FNIP2: variants seen among roughly 807,000 people sequenced by gnomAD.
FNIP2 encodes the protein folliculin interacting protein 2.
FNIP2 carries 32 observed loss-of-function variants against 108.7 expected under a neutral mutation model. That is an observed-to-expected ratio of 0.29 (90% CI 0.22 to 0.40). The LOEUF is 0.40. Among genes scored for constraint, FNIP2 ranks in the 10% least tolerant of loss-of-function variants. The pLI is 1.00. For synonymous variants in FNIP2, 480 were observed against 496.7 expected, an observed-to-expected ratio of 0.97 and a Z score of 0.45; for missense variants, 1,202 against 1,381.6, an observed-to-expected ratio of 0.87 and a Z score of 2.06.
At chr4:158,889,863 A>G in intron 14 of FNIP2, 1 of 984,414 alleles carries the variant, frequency 1.0e-6, no homozygotes, top group Non-Finnish European at 1.2e-6. Flanking sequence ...CATCATCTTG[A>G]TATAAATTTA....
rs754549296 is a variant in FNIP2, at chr4:158,870,352, C to T, written c.2832C>T (p.Gly944=). The T allele has an allele frequency of 5.3e-5, 85 of 1,613,864 alleles. No homozygotes were observed. The highest frequency in any genetic ancestry group is 4.9e-5 in the Non-Finnish European group (58 of 1,179,856). Residue 944 remains glycine, a synonymous_variant, in exon 14 of 17, where the codon GGC becomes GGT. Coordinates refer to ENST00000264433, the MANE Select transcript of FNIP2 (RefSeq NM_020840.3). ...GCACCCAGAATGTAAGGAACTTTGG[C>T]CGCTCACTTCTGGCGGGCTACTGCC... ...SISTQNVRNF[G]RSLLAGYCPT...
intron 2 of FNIP2, among the ~76,000 whole-genome samples, chr4:158,826,531 T>C (rs1778166167): frequency 6.6e-6 from 1 of 152,240 alleles, no homozygotes; most frequent in African/African-American, 2.4e-5. Context: ...TGCATTGTTA[T>C]CTTCAAAAAG....
chr4:158,769,272 G>T lies in FNIP2; in HGVS notation c.60G>T (p.Ala20=). 6.5e-7 allele frequency: 1 copy of T among 1,543,478 alleles called. No homozygotes were observed. Residue 20 remains alanine (A), a synonymous_variant, in exon 1 of 17, where the codon GCG becomes GCT. Coordinates refer to ENST00000264433, the MANE Select transcript of FNIP2 (RefSeq NM_020840.3). ...FNKRGSSGSS[A]AASAQGRAPK... is the part of the protein sequence containing the mutation. ...AAAGGGGCAGCAGCGGCAGCTCCGCGGCGGCGTCTGCCCAGGGCAGGGCTC... is the reference window on the plus strand; with the variant it reads ...AAAGGGGCAGCAGCGGCAGCTCCGCTGCGGCGTCTGCCCAGGGCAGGGCTC...
At chr4:158,869,645 G>A (rs571127013) in intron 13 of FNIP2, among the ~76,000 whole-genome samples, 4 of 152,204 alleles carry the variant, frequency 2.6e-5, no homozygotes, top group Admixed American at 6.5e-5. Flanking sequence ...GAGCTCACTG[G>A]GACAGGTGGC....
Position 158,868,902 on chromosome 4 carries a change from G to T in FNIP2, c.2266G>T (p.Asp756Tyr). Residue 756 changes from aspartate to tyrosine, a missense_variant, in exon 13 of 17, where the codon GAT becomes TAT. Coordinates refer to ENST00000264433, the MANE Select transcript of FNIP2 (RefSeq NM_020840.3). The surrounding 1 kb of genome is among the most constrained non-coding windows in gnomAD (Gnocchi z 4.6). The part of the protein sequence containing the change: ...GPSLEASEAA[D>Y]VAQDPQVSRS... ...CTCCTTGGAGGCCAGTGAGGCTGCT[G>T]ATGTGGCTCAGGACCCGCAGGTTTC... is the stretch of plus-strand genomic sequence containing the variant. The T allele has an allele frequency of 6.2e-7, 1 of 1,614,006 alleles. No individual in the cohort carries two copies. The highest frequency in any genetic ancestry group is 8.5e-7 in the Non-Finnish European group (1 of 1,179,890).
At chr4:158,860,952 C>G (rs1780256280) in intron 10 of FNIP2, among the ~76,000 whole-genome samples, 1 of 151,950 alleles carries the variant, frequency 6.6e-6, no homozygotes, top group South Asian at 2.1e-4. Context: ...CCACGCCCGG[C>G]TGAGAATCTG....
In FNIP2 at chr4:158,817,389, G is replaced by A. The variant is rs1413652336; in HGVS notation, c.108-8527G>A. Among the ~76,000 whole-genome samples, 3 of 152,168 alleles carry A rather than the reference G, an allele frequency of 2.0e-5. No individual in the cohort carries two copies. In the South Asian group the frequency reaches 6.2e-4, roughly 32 times the overall value. ...GGGATACCATGTAGTAATAATGTAG[G>A]TTAATTCATTAAGATTGCTTTCCTT... On this transcript the variant is annotated intron_variant, in intron 1 of 16. Coordinates refer to ENST00000264433, the MANE Select transcript of FNIP2 (RefSeq NM_020840.3).
At chr4:158,774,699 T>C (rs980169050) in intron 1 of FNIP2, among the ~76,000 whole-genome samples, 4 of 152,178 alleles carry the variant, frequency 2.6e-5, no homozygotes, top group Admixed American at 2.6e-4. Flanking sequence ...CTACTTCACC[T>C]GAGCTTCAGA....
chr4:158,900,388 A>G (rs780561039), intron 16 of FNIP2, among the ~76,000 whole-genome samples: 3 of 152,146 alleles, frequency 2.0e-5, no homozygotes, highest in Non-Finnish European at 4.4e-5. Flanking sequence ...TCAAGTCCTG[A>G]ATACCCTGTT....
intron 1 of FNIP2, among the ~76,000 whole-genome samples, chr4:158,812,296 G>C (rs1292370810): frequency 6.6e-6 from 1 of 152,162 alleles, no homozygotes; most frequent in African/African-American, 2.4e-5. Context: ...TGTGACAGTT[G>C]GGTACATTCT....
chr4:158,854,897 G>T (rs962316061), intron 8 of FNIP2, among the ~76,000 whole-genome samples: 4 of 152,168 alleles, frequency 2.6e-5, no homozygotes, highest in African/African-American at 7.2e-5. Flanking sequence ...AGGCAAGGTA[G>T]GTCAGAGAAA....
intron 7 of FNIP2, among the ~76,000 whole-genome samples, chr4:158,844,554 T>C (rs1051139175): frequency 1.3e-5 from 2 of 152,226 alleles, no homozygotes; most frequent in East Asian, 3.8e-4. Context: ...CTTATTTTTA[T>C]AGTAGTTACC....
chr4:158,785,176 C>T (rs955049832), intron 1 of FNIP2, among the ~76,000 whole-genome samples: 6 of 149,854 alleles, frequency 4.0e-5, no homozygotes, highest in Admixed American at 2.0e-4. Flanking sequence ...ACCTCACCTC[C>T]TGGGTTCAAG....
chr4:158,815,630 C>G lies in FNIP2; in HGVS notation c.108-10286C>G, dbSNP rs556267793. Among the ~76,000 whole-genome samples the G allele has an allele frequency of 2.6e-5, 4 of 152,228 alleles. No homozygotes were observed. In the East Asian group the frequency reaches 7.7e-4, roughly 29 times the overall value. On this transcript the variant is annotated intron_variant, in intron 1 of 16. Transcript: ENST00000264433. ...CCGCCAGCCTCGGCCTCCCAAAGTGCTGGGATTAGAGGTGTGAGCCACCGC... is the reference window on the plus strand; with the variant it reads ...CCGCCAGCCTCGGCCTCCCAAAGTGGTGGGATTAGAGGTGTGAGCCACCGC...
intron 14 of FNIP2, among the ~76,000 whole-genome samples, chr4:158,885,901 C>T (rs752422769): frequency 6.6e-6 from 1 of 152,148 alleles, no homozygotes; most frequent in Admixed American, 6.5e-5. Context: ...TTCTCTAAAC[C>T]TTGTAGACAA....
intron 1 of FNIP2, among the ~76,000 whole-genome samples, chr4:158,785,673 A>G (rs971178745): frequency 2.0e-5 from 3 of 147,892 alleles, no homozygotes; most frequent in Non-Finnish European, 3.0e-5. Flanking sequence ...TTTTCTTTCC[A>G]GTTACAGGGT....
rs1776278361 is a variant in FNIP2, at chr4:158,788,051, C to T, written c.107+18732C>T. On this transcript the variant is annotated intron_variant, in intron 1 of 16. Transcript: ENST00000264433. Reference sequence around the variant, plus strand: ...CAGGTTTCGAACCCTGACACTATCACTTAATAGCTGTATGGTCTCGAACAA... The same window carrying T: ...CAGGTTTCGAACCCTGACACTATCATTTAATAGCTGTATGGTCTCGAACAA... Among the ~76,000 whole-genome samples, 2 of 152,198 alleles carry T rather than the reference C, an allele frequency of 1.3e-5. 1 individual carries two copies.
At chr4:158,815,155 A>C (rs1777490468) in intron 1 of FNIP2, among the ~76,000 whole-genome samples, 1 of 152,210 alleles carries the variant, frequency 6.6e-6, no homozygotes, top group Admixed American at 6.5e-5. Context: ...TCCATTTTGC[A>C]GATGAGGCTG....
intron 7 of FNIP2, among the ~76,000 whole-genome samples, chr4:158,838,247 T>C (rs866842668): frequency 1.7e-4 from 25 of 151,200 alleles, no homozygotes; most frequent in Middle Eastern, 3.4e-3. Context: ...TTTTTTTTTT[T>C]TCTGGCTCTG....
Sources: gnomAD v4.1 joint callset for allele counts (sites outside exome capture counted in the v4.1 genomes callset) on GRCh38, gnomAD v4.1.1 for gene constraint, Gnocchi (gnomAD v3.1) non-coding constraint, MANE v1.5 for transcripts, NCBI Gene and HGNC (gene_info 2026-07-23, HGNC 2026-07-21) for gene names.